Variants in GPHN observed in about 807,000 individuals in gnomAD.
GPHN encodes gephyrin.
GPHN carries 17 observed loss-of-function variants against 95.5 expected under a neutral mutation model. That is an observed-to-expected ratio of 0.18 (90% confidence interval 0.12 to 0.27). GPHN has a LOEUF of 0.27. Among genes scored for constraint, GPHN ranks in the 10% least tolerant of loss-of-function variants. GPHN has a pLI of 1.00. For synonymous variants in GPHN, 320 were observed against 322.5 expected, an observed-to-expected ratio of 0.99 and a Z score of 0.08; for missense variants, 660 against 978.1, an observed-to-expected ratio of 0.67 and a Z score of 4.34.
intron 4 of GPHN, among the ~76,000 whole-genome samples, chr14:66,855,196 A>T (rs1036191491): frequency 2.6e-5 from 4 of 152,104 alleles, no homozygotes; most frequent in Non-Finnish European, 5.9e-5. Flanking sequence ...AATTATATTC[A>T]CAATGTTGTA....
At chr14:66,944,932 G>T (rs2067654460) in intron 8 of GPHN, among the ~76,000 whole-genome samples, 1 of 152,228 alleles carries the variant, frequency 6.6e-6, no homozygotes, top group African/African-American at 2.4e-5. Flanking sequence ...GGTCCATCTT[G>T]CGCATGCCTG....
At chr14:66,585,516 G>A in intron 1 of GPHN, among the ~76,000 whole-genome samples, 1 of 152,080 alleles carries the variant, frequency 6.6e-6, no homozygotes, top group Non-Finnish European at 1.5e-5. Flanking sequence ...GCTTTCTCTT[G>A]TGGGCATTTA....
chr14:67,657,476 C>G, the GPHN span, among the ~76,000 whole-genome samples: 4 of 152,294 alleles, frequency 2.6e-5, no homozygotes, highest in South Asian at 2.1e-4. Flanking sequence ...TTTTACTCCA[C>G]CTGTAATCCT....
chr14:66,978,510 TAAG>T lies in GPHN; in HGVS notation c.963+13191_963+13193del, dbSNP rs1383316043. Among the ~76,000 whole-genome samples the T allele has an allele frequency of 3.9e-5, 6 of 152,372 alleles. No homozygotes were observed. In the East Asian group the frequency reaches 1.2e-3, roughly 29 times the overall value. On this transcript the variant is annotated intron_variant, in intron 9 of 22. Coordinates refer to ENST00000478722, the MANE Select transcript of GPHN (RefSeq NM_020806.5). ...AGGAACTCCTTTCTTTGTTCCTTCA[TAAG>T]AAGAAACTTGTCATCTGTGAAAGTT...
At chr14:66,776,369 G>A in intron 2 of GPHN, 95 bp from the exon 3 acceptor site, 1 of 809,852 alleles carries the variant, frequency 1.2e-6, no homozygotes, top group Non-Finnish European at 2.2e-6. Flanking sequence ...AATACTGGGA[G>A]TTATTGGTAG....
intron 4 of GPHN, among the ~76,000 whole-genome samples, chr14:66,834,476 T>G (rs750142032): frequency 8.5e-5 from 13 of 152,106 alleles, no homozygotes; most frequent in Non-Finnish European, 1.5e-4. Context: ...AGTTGTTGAA[T>G]TTTCTCAAAG....
chr14:67,708,559 G>T, the GPHN span, among the ~76,000 whole-genome samples: 2 of 152,030 alleles, frequency 1.3e-5, no homozygotes, highest in East Asian at 3.8e-4. Flanking sequence ...TATCTCTGTG[G>T]CATATGATAA....
At chr14:66,582,850 T>C (rs2140482539) in intron 1 of GPHN, among the ~76,000 whole-genome samples, 1 of 152,278 alleles carries the variant, frequency 6.6e-6, no homozygotes, top group East Asian at 1.9e-4. Flanking sequence ...AACATACATG[T>C]GCATGTGTCT....
Position 66,754,705 on chromosome 14 carries a change from C to G in GPHN, c.144-21759C>G, listed in dbSNP as rs148056536. 7.1e-3 allele frequency among the ~76,000 whole-genome samples: 1,073 copies of G among 151,974 alleles called. 4 individuals carry two copies. Among genetic ancestry groups the G allele is most frequent in the South Asian group, 0.015 (71 of 4,814 alleles). On this transcript the variant is annotated intron_variant, in intron 2 of 22. Coordinates refer to ENST00000478722, the MANE Select transcript of GPHN (RefSeq NM_020806.5). ...CCAAGCTCACTTTGTACTATTGTGC[C>G]TATACAGAAATTACACTAATTTTTC...
intron 1 of GPHN, among the ~76,000 whole-genome samples, chr14:66,517,881 G>GA (rs2058312784): frequency 6.6e-6 from 1 of 151,908 alleles, no homozygotes; most frequent in Non-Finnish European, 1.5e-5. Context: ...ATTGGTCTGG[G>GA]AAAAAATTTT....
At chr14:67,639,939 A>G in the GPHN span, among the ~76,000 whole-genome samples, 1 of 151,204 alleles carries the variant, frequency 6.6e-6, no homozygotes, top group East Asian at 1.9e-4. Context: ...AAAAAAAAAA[A>G]AAAAAAAAAA....
chr14:67,183,770 A>T (rs112911356), downstream of GPHN, among the ~76,000 whole-genome samples: 7,724 of 151,100 alleles, frequency 0.051, 212 homozygotes, highest in Middle Eastern at 0.069. Context: ...CACCATTTTG[A>T]CCAGGCTGGT....
At chr14:67,508,753 C>CAAAAAAAAAAAAA in the GPHN span, among the ~76,000 whole-genome samples, 50 of 46,712 alleles carry the variant, frequency 1.1e-3, 8 homozygotes, top group Non-Finnish European at 1.5e-3. Context: ...AACCTTGTCT[C>CAAAAAAAAAAAAA]AAAAAAAAAA....
chr14:67,280,985 C>T, the GPHN span, among the ~76,000 whole-genome samples: 1 of 151,572 alleles, frequency 6.6e-6, no homozygotes, highest in African/African-American at 2.4e-5. Flanking sequence ...GCAATCTCCG[C>T]CTTCCCAGGT....
At chr14:67,246,042 C>G in the GPHN span, among the ~76,000 whole-genome samples, 7 of 151,988 alleles carry the variant, frequency 4.6e-5, no homozygotes, top group Admixed American at 1.3e-4. Flanking sequence ...GTCTCTTTGT[C>G]AAAAGCTATT....
chr14:67,199,422 G>A, the GPHN span: 1 of 1,613,562 alleles, frequency 6.2e-7, no homozygotes, highest in Non-Finnish European at 8.5e-7. Context: ...GATACTTTCA[G>A]CGCCTTTGGG....
intron 10 of GPHN, among the ~76,000 whole-genome samples, chr14:67,043,885 A>G (rs1057089694): frequency 3.9e-5 from 6 of 152,208 alleles, no homozygotes; most frequent in African/African-American, 1.4e-4. Flanking sequence ...GCTATTAATT[A>G]CTGCCTCAAT....
At chr14:67,606,260 TC>T in the GPHN span, among the ~76,000 whole-genome samples, 1 of 152,234 alleles carries the variant, frequency 6.6e-6, no homozygotes, top group Non-Finnish European at 1.5e-5. Flanking sequence ...GTGGTTTTTT[TC>T]ATGGAGTCAC....
At chr14:67,569,708 T>C in the GPHN span, 3 of 587,666 alleles carry the variant, frequency 5.1e-6, no homozygotes, top group South Asian at 6.2e-5. Flanking sequence ...GGTAAGGCTT[T>C]TGGATTCTTT....
Sources: allele counts gnomAD v4.1 joint callset (sites outside exome capture counted in the v4.1 genomes callset), GRCh38; gene constraint gnomAD v4.1.1; transcripts MANE v1.5; gene names NCBI Gene and HGNC (gene_info 2026-07-23, HGNC 2026-07-21).